Variants in PTPRK observed in about 807,000 individuals in gnomAD.
PTPRK encodes receptor-type tyrosine-protein phosphatase kappa.
In PTPRK, 75 loss-of-function variants were observed where a neutral mutation model predicts 178.0. The ratio of observed to expected loss-of-function variants is 0.42; its 90% CI spans 0.35 to 0.51. The LOEUF (loss-of-function observed/expected upper bound fraction) is 0.51. Ranked by LOEUF, PTPRK falls within the 20% of genes least tolerant of loss-of-function variation. The probability of loss-of-function intolerance (pLI) is 0.02; values close to 1 mark genes in which losing one functional copy is unlikely to be tolerated. For synonymous variants in PTPRK, 637 were observed against 620.6 expected, an observed-to-expected ratio of 1.03 and a Z score of -0.39; for missense variants, 1,441 against 1,797.8, an observed-to-expected ratio of 0.80 and a Z score of 3.59.
chr6:128,193,176 A>G (rs1230494401), intron 6 of PTPRK, among the ~76,000 whole-genome samples: 1 of 150,096 alleles, frequency 6.7e-6, no homozygotes, highest in Admixed American at 6.7e-5. Context: ...AGCACCTACA[A>G]ATTGTTACTC....
At chr6:128,346,130 A>G (rs1292844785) in intron 2 of PTPRK, among the ~76,000 whole-genome samples, 1 of 152,114 alleles carries the variant, frequency 6.6e-6, no homozygotes, top group Admixed American at 6.6e-5. Flanking sequence ...ATACAAGGAT[A>G]TTATATTACT....
At chr6:128,376,976 G>C (rs180851171) in intron 2 of PTPRK, among the ~76,000 whole-genome samples, 8 of 152,260 alleles carry the variant, frequency 5.3e-5, no homozygotes, top group Non-Finnish European at 7.4e-5. Flanking sequence ...TTTGGTCAAA[G>C]CCAAATGTCA....
intron 2 of PTPRK, among the ~76,000 whole-genome samples, chr6:128,358,986 T>C (rs1269217251): frequency 2.0e-5 from 3 of 152,174 alleles, no homozygotes; most frequent in South Asian, 4.1e-4. Context: ...GTGATACTTA[T>C]TGCTCCCGGT....
intron 7 of PTPRK, among the ~76,000 whole-genome samples, chr6:128,100,568 T>G (rs1026531772): frequency 4.6e-5 from 7 of 151,994 alleles, no homozygotes; most frequent in Non-Finnish European, 1.0e-4. Flanking sequence ...AATCTCACCT[T>G]TCTCTTTTCA....
At chr6:128,194,066 A>ATAT (rs1804402554) in intron 6 of PTPRK, among the ~76,000 whole-genome samples, 1 of 79,370 alleles carries the variant, frequency 1.3e-5, no homozygotes. Flanking sequence ...TTATATATAT[A>ATAT]TTATTATTAT....
intron 2 of PTPRK, among the ~76,000 whole-genome samples, chr6:128,363,039 A>G (rs1352628892): frequency 6.6e-6 from 1 of 152,210 alleles, no homozygotes; most frequent in Non-Finnish European, 1.5e-5. Context: ...AATGTAAGTC[A>G]TATTTGCTTT....
intron 29 of PTPRK, among the ~76,000 whole-genome samples, chr6:127,970,883 AT>A (rs1240222678): frequency 2.6e-5 from 4 of 151,820 alleles, no homozygotes; most frequent in Non-Finnish European, 4.4e-5. Flanking sequence ...AGTTGCTTTT[AT>A]TTTTTTCTCT....
intron 22 of PTPRK, among the ~76,000 whole-genome samples, chr6:127,983,952 A>C (rs934916800): frequency 1.3e-5 from 1 of 78,648 alleles, no homozygotes; most frequent in Non-Finnish European, 2.8e-5. Flanking sequence ...GGAGAGTAAC[A>C]GTGTAAAGAC....
chr6:128,326,756 T>A (rs1387945102), intron 2 of PTPRK, among the ~76,000 whole-genome samples: 1 of 152,144 alleles, frequency 6.6e-6, no homozygotes, highest in African/African-American at 2.4e-5. Context: ...GCTGTAATTG[T>A]CTTCTAGGTT....
chr6:128,499,092 G>C (rs1341363150), intron 1 of PTPRK, among the ~76,000 whole-genome samples: 1 of 152,034 alleles, frequency 6.6e-6, no homozygotes, highest in Non-Finnish European at 1.5e-5. Context: ...GTTCATACAG[G>C]TATGTCCAAA....
intron 7 of PTPRK, among the ~76,000 whole-genome samples, chr6:128,134,113 T>C (rs1454868601): frequency 6.6e-6 from 1 of 152,184 alleles, no homozygotes; most frequent in East Asian, 1.9e-4. Context: ...AGCAATAAAC[T>C]ATATTTGTGA....
At chr6:128,477,708 GT>G (rs1235712557) in intron 1 of PTPRK, among the ~76,000 whole-genome samples, 1 of 152,236 alleles carries the variant, frequency 6.6e-6, no homozygotes, top group African/African-American at 2.4e-5. Flanking sequence ...GAAAAACTGT[GT>G]AACATGTAGC....
chr6:128,025,087 C>T (rs989223834), intron 13 of PTPRK, among the ~76,000 whole-genome samples: 1 of 152,136 alleles, frequency 6.6e-6, no homozygotes, highest in African/African-American at 2.4e-5. Flanking sequence ...AAGAATTTGC[C>T]AGTCCTTTTA....
intron 21 of PTPRK, among the ~76,000 whole-genome samples, chr6:127,988,491 T>C (rs1776231203): frequency 6.6e-6 from 1 of 151,942 alleles, no homozygotes; most frequent in African/African-American, 2.4e-5. Flanking sequence ...TAAAGGAACT[T>C]TAACTTTAAA....
At chr6:128,358,787 G>C (rs754829764) in intron 2 of PTPRK, among the ~76,000 whole-genome samples, 4 of 152,154 alleles carry the variant, frequency 2.6e-5, no homozygotes, top group Non-Finnish European at 4.4e-5. Context: ...CACATGGATT[G>C]GTAGAAAGAT....
At chr6:128,283,792 GT>G (rs2128303798) in intron 3 of PTPRK, among the ~76,000 whole-genome samples, 2 of 152,240 alleles carry the variant, frequency 1.3e-5, no homozygotes, top group South Asian at 4.1e-4. Context: ...TCAATTTGTA[GT>G]ATGTTATCAC....
In PTPRK at chr6:128,184,469, G is replaced by A. The variant is rs1242629937; in HGVS notation, c.1125C>T (p.Leu375=). The A allele has an allele frequency of 6.2e-7, 1 of 1,613,654 alleles. No individual in the cohort carries two copies. The highest frequency in any genetic ancestry group is 8.5e-7 in the Non-Finnish European group (1 of 1,179,772). The change falls in exon 7 of 30, where the codon CTC becomes CTT. Residue 375 remains leucine, a synonymous_variant. Coordinates refer to ENST00000368226, the MANE Select transcript of PTPRK (RefSeq NM_002844.4). The part of the protein sequence containing the change: ...LTRPGEGGTG[L]PGPPLITRTK... ...TTCTGGTGATTAGTGGAGGTCCTGG[G>A]AGCCCCGTTCCACCTTCACCAGGTC... is the stretch of plus-strand genomic sequence containing the variant.
At chr6:128,458,873 C>A (rs1848700602) in intron 1 of PTPRK, among the ~76,000 whole-genome samples, 1 of 152,116 alleles carries the variant, frequency 6.6e-6, no homozygotes, top group African/African-American at 2.4e-5. Context: ...TCTCTGTCAC[C>A]AATGAAAAGG....
In PTPRK at chr6:128,457,261, T is replaced by A. The variant is rs181825738; in HGVS notation, c.101-59573A>T. 4.5e-4 allele frequency among the ~76,000 whole-genome samples: 69 copies of A among 152,264 alleles called. No individual in the cohort carries two copies. In the East Asian group the frequency reaches 0.013, roughly 28 times the overall value. ...TCCAAGTTTACTATGGAAAATACTT[T>A]CAAAGTATACAAACAGGAAGGTTTA... On this transcript the variant is annotated intron_variant, in intron 1 of 29. Coordinates refer to ENST00000368226, the MANE Select transcript of PTPRK (RefSeq NM_002844.4).
Sources: gnomAD v4.1 joint callset for allele counts (sites outside exome capture counted in the v4.1 genomes callset) on GRCh38, gnomAD v4.1.1 for gene constraint, MANE v1.5 for transcripts, NCBI Gene and HGNC (gene_info 2026-07-23, HGNC 2026-07-21) for gene names.